Variants in CFAP418 observed in about 807,000 individuals in gnomAD.
CFAP418 encodes the protein cilia and flagella associated protein 418.
CFAP418 carries 27 observed loss-of-function variants against 24.7 expected under a neutral mutation model. That is an observed-to-expected ratio of 1.09 (90% CI 0.81 to 1.51). The LOEUF is 1.51. Among genes scored for constraint, CFAP418 ranks in the 40% most tolerant of loss-of-function variants. CFAP418 has a pLI of 0.00. For synonymous variants in CFAP418, 74 were observed against 87.3 expected (o/e 0.85, Z 0.85); for missense variants, 257 against 255.2 (o/e 1.01, Z -0.05).
chr8:95,265,128 T>C (rs1207339490), intron 1 of CFAP418, among the ~76,000 whole-genome samples: 1 of 152,056 alleles, frequency 6.6e-6, no homozygotes, highest in Non-Finnish European at 1.5e-5. Flanking sequence ...CTCTGGGGTG[T>C]GTATGTGGGG....
intron 4 of CFAP418, among the ~76,000 whole-genome samples, chr8:95,252,836 CATAG>C (rs1266999116): frequency 6.6e-6 from 1 of 152,226 alleles, no homozygotes; most frequent in Non-Finnish European, 1.5e-5. Flanking sequence ...ATTCTGTCTT[CATAG>C]AGCTTTGATT....
chr8:95,259,564 C>G (rs1811851138), intron 4 of CFAP418, among the ~76,000 whole-genome samples: 1 of 152,132 alleles, frequency 6.6e-6, no homozygotes, highest in East Asian at 1.9e-4. Context: ...GAAGTTCACT[C>G]TCCTGTGTCC....
chr8:95,261,552 T>C (rs1472318225), intron 2 of CFAP418, among the ~76,000 whole-genome samples: 2 of 152,130 alleles, frequency 1.3e-5, no homozygotes, highest in African/African-American at 4.8e-5. Context: ...GGGCATAATA[T>C]AGCCTCTAAT....
Position 95,245,152 on chromosome 8 carries a change from A to G in CFAP418, c.*2465T>C, listed in dbSNP as rs374820930. ...TTTATAGGCTTTGCATTTTAAAATT[A>G]TAGATGATTAGAAACTATACTTTTC... is the stretch of plus-strand genomic sequence containing the variant. On this transcript the variant is annotated 3_prime_UTR_variant, in exon 6 of 6. Transcript: ENST00000286688. The G allele has an allele frequency of 6.6e-6, 1 of 152,166 alleles. No homozygotes were observed. Among genetic ancestry groups the G allele is most frequent in the African/African-American group, 2.4e-5 (1 of 41,424 alleles). 9.4% of individuals were successfully genotyped at this position (152,166 alleles called of 1,614,324 possible).
intron 4 of CFAP418, among the ~76,000 whole-genome samples, chr8:95,252,855 T>C (rs1811729688): frequency 1.3e-5 from 2 of 152,212 alleles, no homozygotes; most frequent in Non-Finnish European, 2.9e-5. Flanking sequence ...TTGATTGCAG[T>C]GAGAGAAGAA....
chr8:95,261,585 T>G lies in CFAP418; in HGVS notation c.244-1053A>C, dbSNP rs537910157. On this transcript the variant is annotated intron_variant, in intron 2 of 5. Coordinates refer to ENST00000286688, the MANE Select transcript of CFAP418 (RefSeq NM_177965.4). ...AATGACAACGTTGGCATAGACTATC[T>G]GTTTATCTATGTTTCTTTTGTTAAT... Among the ~76,000 whole-genome samples the G allele has an allele frequency of 3.9e-5, 6 of 152,320 alleles. No homozygotes were observed. The East Asian group carries it at 7.7e-4, about 20-fold the overall frequency.
intron 5 of CFAP418, among the ~76,000 whole-genome samples, chr8:95,248,021 T>C (rs895042009): frequency 1.3e-5 from 2 of 152,010 alleles, no homozygotes; most frequent in African/African-American, 4.8e-5. Flanking sequence ...AAATTTTTTT[T>C]TGTAGAGATG....
chr8:95,265,630 CT>C (rs1811966685), intron 1 of CFAP418, among the ~76,000 whole-genome samples: 1 of 152,010 alleles, frequency 6.6e-6, no homozygotes, highest in Non-Finnish European at 1.5e-5. Flanking sequence ...CCGGGTTCTC[CT>C]CCCTCATGCA....
chr8:95,269,146 T>A lies in CFAP418; in HGVS notation c.44A>T (p.Lys15Met), dbSNP rs111662618. Residue 15 changes from lysine to methionine, a missense_variant, in exon 1 of 6, where the codon AAG (lysine) becomes ATG (methionine). Lys to Met is a moderately conservative substitution (Grantham distance 95). Coordinates refer to ENST00000286688, the MANE Select transcript of CFAP418 (RefSeq NM_177965.4). The part of the protein sequence containing the change: ...LDELLDEVES[K>M]FCTPDLLRRG... ...TCTTAGAAGGTCAGGTGTGCAAAACTTGGACTCGACTTCATCCAAGAGCTC... is the reference window on the plus strand; with the variant it reads ...TCTTAGAAGGTCAGGTGTGCAAAACATGGACTCGACTTCATCCAAGAGCTC... 1 of 1,614,126 alleles carries A rather than the reference T, an allele frequency of 6.2e-7. No homozygotes were observed. Among genetic ancestry groups the A allele is most frequent in the Non-Finnish European group, 8.5e-7 (1 of 1,179,986 alleles).
At chr8:95,266,181 C>G (rs1811976617) in intron 1 of CFAP418, among the ~76,000 whole-genome samples, 1 of 152,102 alleles carries the variant, frequency 6.6e-6, no homozygotes, top group African/African-American at 2.4e-5. Flanking sequence ...ATAACATATA[C>G]AAAGCACTTA....
rs1160841273 is a variant in CFAP418, at chr8:95,263,710, G to T, written c.220C>A (p.Pro74Thr). The T allele has an allele frequency of 3.1e-6, 5 of 1,606,190 alleles. No homozygotes were observed. The highest frequency in any genetic ancestry group is 4.3e-6 in the Non-Finnish European group (5 of 1,173,678). ...ACAGAGGGTTTTTTGTCCAAGTTGG[G>T]CTCTTCAAGTATTTCATTAATAAGA... Reference protein sequence around the residue: ...DSLINEILEEPNLDKKPSKLK... With the variant: ...DSLINEILEETNLDKKPSKLK... Residue 74 changes from proline (P) to threonine (T), a missense_variant, in exon 2 of 6, where the codon CCC becomes ACC. Physicochemically the swap from Pro to Thr is conservative, Grantham distance 38. Transcript: ENST00000286688.
intron 1 of CFAP418, 144 bp downstream of exon 1, chr8:95,268,891 G>A (rs1812079229): frequency 2.3e-6 from 2 of 852,422 alleles, no homozygotes. Flanking sequence ...GCCGCGGAGG[G>A]TAGGGCGCTG....
chr8:95,250,071 C>G (rs1258982611), intron 5 of CFAP418, among the ~76,000 whole-genome samples: 3 of 152,208 alleles, frequency 2.0e-5, no homozygotes, highest in Non-Finnish European at 2.9e-5. Flanking sequence ...CTGGGTTCCT[C>G]TCATCTTATG....
chr8:95,264,923 C>T (rs184379629), intron 1 of CFAP418, among the ~76,000 whole-genome samples: 12 of 152,294 alleles, frequency 7.9e-5, no homozygotes, highest in African/African-American at 2.4e-4. Context: ...ATGCTCAAGG[C>T]TTGCTTCTTC....
chr8:95,257,071 T>C (rs913953992), intron 4 of CFAP418, among the ~76,000 whole-genome samples: 1 of 152,222 alleles, frequency 6.6e-6, no homozygotes, highest in African/African-American at 2.4e-5. Flanking sequence ...GATATTATCT[T>C]GAATGCTATA....
intron 2 of CFAP418, among the ~76,000 whole-genome samples, chr8:95,261,540 CAG>C (rs952390731): frequency 6.6e-6 from 1 of 152,072 alleles, no homozygotes; most frequent in African/African-American, 2.4e-5. Context: ...GTAGTATTGT[CAG>C]GGCATAATAT....
rs922484784 is a variant in CFAP418 at position 95,245,205 on chromosome 8, T to A, written c.*2412A>T. On this transcript the variant is annotated 3_prime_UTR_variant, in exon 6 of 6. Coordinates refer to ENST00000286688, the MANE Select transcript of CFAP418 (RefSeq NM_177965.4). ...CTATACTGATACTAAAATAGTTTCA[T>A]TTTCAGCTTAAATTACAACAGTTAA... 2 of 152,182 alleles carry A rather than the reference T, an allele frequency of 1.3e-5. No homozygotes were observed. Among genetic ancestry groups the A allele is most frequent in the African/African-American group, 4.8e-5 (2 of 41,454 alleles). 9.4% of individuals were successfully genotyped at this position (152,182 alleles called of 1,614,324 possible).
chr8:95,249,336 G>T (rs1003281486), intron 5 of CFAP418, among the ~76,000 whole-genome samples: 1 of 152,178 alleles, frequency 6.6e-6, no homozygotes, highest in Non-Finnish European at 1.5e-5. Flanking sequence ...TGGCAAGGTG[G>T]TCAGTAAGTA....
At chr8:95,266,708 A>C (rs1289753444) in intron 1 of CFAP418, among the ~76,000 whole-genome samples, 1 of 152,206 alleles carries the variant, frequency 6.6e-6, no homozygotes, top group Non-Finnish European at 1.5e-5. Flanking sequence ...TACAATTTAC[A>C]ACTACATTGC....
Sources: allele counts gnomAD v4.1 joint callset (sites outside exome capture counted in the v4.1 genomes callset), GRCh38; gene constraint gnomAD v4.1.1; transcripts MANE v1.5; gene names NCBI Gene and HGNC (gene_info 2026-07-23, HGNC 2026-07-21).